Variants in RBFOX1 observed in about 807,000 individuals in gnomAD.
RBFOX1 encodes RNA binding fox-1 homolog 1, also known as RNA binding protein fox-1 homolog 1.
Under a neutral mutation model 57.7 loss-of-function variants are expected in RBFOX1, and 8 were observed. The ratio of observed to expected loss-of-function variants is 0.14; its 90% CI spans 0.08 to 0.25. The LOEUF is 0.25. Ranked by LOEUF, RBFOX1 falls within the 10% of genes least tolerant of loss-of-function variation. RBFOX1 has a pLI of 1.00. For synonymous variants in RBFOX1, 326 were observed against 222.4 expected (o/e 1.47, Z -4.15); for missense variants, 611 against 548.5 (o/e 1.11, Z -1.14).
chr16:6,727,350 C>G (rs927813780), intron 3 of RBFOX1, among the ~76,000 whole-genome samples: 4 of 152,012 alleles, frequency 2.6e-5, no homozygotes, highest in Non-Finnish European at 5.9e-5. Context: ...CTAATAGAAA[C>G]TATCTAAAGA....
intron 4 of RBFOX1, among the ~76,000 whole-genome samples, chr16:7,482,805 C>T (rs182752901): frequency 1.3e-4 from 20 of 152,168 alleles, no homozygotes; most frequent in African/African-American, 4.8e-4. Context: ...AATGAGTCCT[C>T]CCACAAGCTC....
intron 3 of RBFOX1, among the ~76,000 whole-genome samples, chr16:6,675,051 A>G (rs377185259): frequency 2.6e-5 from 4 of 152,056 alleles, no homozygotes; most frequent in Non-Finnish European, 1.5e-5. Flanking sequence ...GACTACAGGT[A>G]TGTGCCACCA....
chr16:6,908,898 C>A (rs898095115), intron 3 of RBFOX1, among the ~76,000 whole-genome samples: 1 of 152,128 alleles, frequency 6.6e-6, no homozygotes, highest in African/African-American at 2.4e-5. Flanking sequence ...TAGGCACATC[C>A]TAAGCATTCA....
intron 4 of RBFOX1, among the ~76,000 whole-genome samples, chr16:5,990,626 T>G (rs752089207): frequency 6.6e-6 from 1 of 151,730 alleles, no homozygotes; most frequent in South Asian, 2.1e-4. Context: ...CCTGGAAAAA[T>G]AGTTGCGGTG....
chr16:6,293,933 T>C (rs1180625504), intron 1 of RBFOX1, among the ~76,000 whole-genome samples: 1 of 138,490 alleles, frequency 7.2e-6, no homozygotes, highest in African/African-American at 2.7e-5. Flanking sequence ...CAGGAATTTT[T>C]ACTGTAAGAG....
At chr16:7,630,048 C>T (rs1354726813) in intron 10 of RBFOX1, among the ~76,000 whole-genome samples, 2 of 152,020 alleles carry the variant, frequency 1.3e-5, no homozygotes, top group South Asian at 2.1e-4. Flanking sequence ...AGGAAGTTAC[C>T]GTTTTCTCTA....
In RBFOX1 at chr16:7,313,776, G is replaced by A. The variant is rs145183390; in HGVS notation, c.28-204371G>A. 7.1e-3 allele frequency among the ~76,000 whole-genome samples: 1,077 copies of A among 152,222 alleles called. 10 individuals carry two copies. Among genetic ancestry groups the A allele is most frequent in the African/African-American group, 0.01 (433 of 41,540 alleles). On this transcript the variant is annotated intron_variant, in intron 4 of 15. Coordinates refer to ENST00000550418, the MANE Select transcript of RBFOX1 (RefSeq NM_018723.4). ...TTTAGATGCAGAATCCAAGGCTTAG[G>A]TGGGAGAGCTGATATTTAAAACCAG...
At chr16:5,663,266 A>G (rs895209055) in intron 3 of RBFOX1, among the ~76,000 whole-genome samples, 1 of 152,160 alleles carries the variant, frequency 6.6e-6, no homozygotes, top group African/African-American at 2.4e-5. Flanking sequence ...GCTGGAGTGC[A>G]GTGGCACGAA....
chr16:5,271,143 A>T (rs1027132799), intron 1 of RBFOX1, among the ~76,000 whole-genome samples: 1 of 152,146 alleles, frequency 6.6e-6, no homozygotes, highest in African/African-American at 2.4e-5. Flanking sequence ...AGATTGCATC[A>T]TTGCACTCCA....
At chr16:7,346,322 C>T (rs72769295) in intron 4 of RBFOX1, among the ~76,000 whole-genome samples, 8,175 of 151,520 alleles carry the variant, frequency 0.054, 276 homozygotes, top group South Asian at 0.099. Flanking sequence ...ATAGAGTAAA[C>T]CACGATGGCA....
At chr16:6,984,725 C>T (rs376581933) in intron 3 of RBFOX1, among the ~76,000 whole-genome samples, 1 of 152,154 alleles carries the variant, frequency 6.6e-6, no homozygotes, top group Non-Finnish European at 1.5e-5. Flanking sequence ...ACTGCAACCT[C>T]TGCCTCCCAG....
rs148297658 is a variant in RBFOX1, at chr16:7,300,230, A to T, written c.28-217917A>T. Among the ~76,000 whole-genome samples, 436 of 144,656 alleles carry T rather than the reference A, an allele frequency of 3.0e-3. 2 individuals are homozygous for T. Among genetic ancestry groups the T allele is most frequent in the Non-Finnish European group, 4.5e-3 (301 of 66,480 alleles). The allele number at this position is 144,656 out of a possible 152,430, so 94.9% of individuals were successfully genotyped here. ...ACTTTCTGCTGCCCCTCCCCCACCCACTAGAATGTAAACTGTCTAATGTCA... is the reference window on the plus strand; with the variant it reads ...ACTTTCTGCTGCCCCTCCCCCACCCTCTAGAATGTAAACTGTCTAATGTCA... On this transcript the variant is annotated intron_variant, in intron 4 of 15. Coordinates refer to ENST00000550418, the MANE Select transcript of RBFOX1 (RefSeq NM_018723.4).
intron 1 of RBFOX1, among the ~76,000 whole-genome samples, chr16:6,084,453 A>G (rs765983353): frequency 6.6e-6 from 1 of 152,128 alleles, no homozygotes; most frequent in Non-Finnish European, 1.5e-5. Context: ...CATGTTGCCC[A>G]GGCTGATCTC....
At chr16:5,380,350 G>A (rs1443324351) in intron 1 of RBFOX1, among the ~76,000 whole-genome samples, 1 of 152,192 alleles carries the variant, frequency 6.6e-6, no homozygotes, top group African/African-American at 2.4e-5. Context: ...GTACAGAGCG[G>A]TTAGAACAAG....
chr16:6,592,575 G>A (rs1337688792), intron 2 of RBFOX1, among the ~76,000 whole-genome samples: 1 of 152,170 alleles, frequency 6.6e-6, no homozygotes, highest in South Asian at 2.1e-4. Flanking sequence ...CCATATGCTG[G>A]CTCCACCATG....
intron 3 of RBFOX1, among the ~76,000 whole-genome samples, chr16:6,941,942 G>C (rs2078607377): frequency 6.6e-6 from 1 of 152,084 alleles, no homozygotes; most frequent in Non-Finnish European, 1.5e-5. Context: ...CAAGTAGCTG[G>C]GAAAGGATGG....
chr16:5,259,887 T>G (rs2062690600), intron 1 of RBFOX1, among the ~76,000 whole-genome samples: 1 of 152,226 alleles, frequency 6.6e-6, no homozygotes, highest in African/African-American at 2.4e-5. Context: ...GGAGTGGGTA[T>G]GATCAGATCT....
At chr16:5,977,047 C>T (rs774593143) in intron 4 of RBFOX1, among the ~76,000 whole-genome samples, 11 of 152,118 alleles carry the variant, frequency 7.2e-5, no homozygotes, top group Non-Finnish European at 1.3e-4. Context: ...ATCACAGACA[C>T]AGGGCATCAG....
At chr16:6,322,630 G>T (rs1208637954) in intron 2 of RBFOX1, among the ~76,000 whole-genome samples, 1 of 152,174 alleles carries the variant, frequency 6.6e-6, no homozygotes, top group African/African-American at 2.4e-5. Context: ...GGTTTCAGTG[G>T]AACAGGCAGG....
Sources: allele counts gnomAD v4.1 joint callset (sites outside exome capture counted in the v4.1 genomes callset), GRCh38; gene constraint gnomAD v4.1.1; transcripts MANE v1.5; gene names NCBI Gene and HGNC (gene_info 2026-07-23, HGNC 2026-07-21).